TRPC4: variants seen among roughly 807,000 people sequenced by gnomAD.
TRPC4 encodes the protein transient receptor potential cation channel subfamily C member 4.
In TRPC4, 49 loss-of-function variants were observed where a neutral mutation model predicts 99.4. The ratio of observed to expected loss-of-function variants is 0.49; its 90% CI spans 0.39 to 0.63. The LOEUF (loss-of-function observed/expected upper bound fraction) is 0.63. Among genes scored for constraint, TRPC4 ranks in the 20% least tolerant of loss-of-function variants. TRPC4 has a pLI of 0.00. For missense variants in TRPC4, 898 were observed against 1,152.9 expected, an observed-to-expected ratio of 0.78 and a Z score of 3.20; for synonymous variants, 454 against 425.9, an observed-to-expected ratio of 1.07 and a Z score of -0.81.
At chr13:37,745,456 A>ATGCGTATATATATATATATGCG (rs1555265707) in intron 3 of TRPC4, among the ~76,000 whole-genome samples, 2 of 3,014 alleles carry the variant, frequency 6.6e-4, no homozygotes, top group African/African-American at 1.0e-3. Context: ...ATATATATAT[A>ATGCGTATATATATATATATGCG]TATATATATA....
chr13:37,852,434 A>G (rs1959082725), intron 1 of TRPC4, among the ~76,000 whole-genome samples: 1 of 152,164 alleles, frequency 6.6e-6, no homozygotes, highest in Non-Finnish European at 1.5e-5. Context: ...CCTGCTGTCT[A>G]AAGAGCTCTT....
At chr13:37,832,190 T>G (rs1958441045) in intron 1 of TRPC4, among the ~76,000 whole-genome samples, 1 of 152,134 alleles carries the variant, frequency 6.6e-6, no homozygotes, top group Admixed American at 6.5e-5. Context: ...GTAAAATAAT[T>G]TTTTAAATGA....
rs962089874 is a variant in TRPC4, at chr13:37,772,754, C to T, written c.378+10202G>A. Among the ~76,000 whole-genome samples the T allele has an allele frequency of 5.9e-5, 9 of 151,754 alleles. No homozygotes were observed. In the East Asian group the frequency reaches 1.2e-3, roughly 20 times the overall value. ...TTATCTGCCAAATAACTGCCTCCAACATGGATGGCGGGATCTATTTCTGCA... is the reference window on the plus strand; with the variant it reads ...TTATCTGCCAAATAACTGCCTCCAATATGGATGGCGGGATCTATTTCTGCA... On this transcript the variant is annotated intron_variant, in intron 2 of 10. Coordinates refer to ENST00000379705, the MANE Select transcript of TRPC4 (RefSeq NM_016179.4).
At chr13:37,751,020 A>T (rs1393080773) in intron 2 of TRPC4, among the ~76,000 whole-genome samples, 1 of 152,060 alleles carries the variant, frequency 6.6e-6, no homozygotes, top group Non-Finnish European at 1.5e-5. Context: ...GAAAATGGAG[A>T]TGTGGCATTC....
intron 4 of TRPC4, among the ~76,000 whole-genome samples, chr13:37,685,090 CAT>C (rs1953417308): frequency 1.3e-5 from 2 of 152,128 alleles, no homozygotes; most frequent in African/African-American, 2.4e-5. Context: ...TGTTGGTAAA[CAT>C]AATATTCAAT....
At chr13:37,786,289 GACACACACACACACACACACACACACAC>G (rs10549960) in intron 1 of TRPC4, among the ~76,000 whole-genome samples, 2 of 140,972 alleles carry the variant, frequency 1.4e-5, no homozygotes, top group African/African-American at 5.3e-5. Context: ...CAGGGAGAAA[GACACACACACACACACACACACACACAC>G]ACACACACAC....
intron 1 of TRPC4, among the ~76,000 whole-genome samples, chr13:37,867,499 G>T (rs964587331): frequency 4.6e-5 from 7 of 151,882 alleles, no homozygotes; most frequent in African/African-American, 1.7e-4. Context: ...TCTTAAAGGG[G>T]GTTATTATAT....
chr13:37,661,115 G>A (rs934984302), intron 6 of TRPC4, among the ~76,000 whole-genome samples: 1 of 152,170 alleles, frequency 6.6e-6, no homozygotes, highest in African/African-American at 2.4e-5. Flanking sequence ...TAGGCCTATA[G>A]TATTTAAGAT....
At chr13:37,833,145 A>G (rs529569630) in intron 1 of TRPC4, among the ~76,000 whole-genome samples, 1 of 152,238 alleles carries the variant, frequency 6.6e-6, no homozygotes, top group East Asian at 1.9e-4. Context: ...AATTCATAGT[A>G]AAATGCCATT....
intron 3 of TRPC4, among the ~76,000 whole-genome samples, chr13:37,713,765 G>C (rs1006987517): frequency 3.3e-4 from 51 of 152,242 alleles, no homozygotes; most frequent in African/African-American, 1.1e-3. Flanking sequence ...TTATTCTAGA[G>C]GGTCAAGTAG....
intron 3 of TRPC4, among the ~76,000 whole-genome samples, chr13:37,709,224 G>A (rs1317869593): frequency 6.6e-6 from 1 of 151,836 alleles, no homozygotes; most frequent in Non-Finnish European, 1.5e-5. Context: ...GTTGAGGAAT[G>A]GGAACTCATT....
rs1282191535 is a variant in TRPC4 at position 37,634,448 on chromosome 13, TCATCCTTTCTAGGG to T, written c.*2441_*2454del. Among the ~76,000 whole-genome samples, 2 of 152,084 alleles carry T rather than the reference TCATCCTTTCTAGGG, an allele frequency of 1.3e-5. No homozygotes were observed. The highest frequency in any genetic ancestry group is 4.8e-5 in the African/African-American group (2 of 41,438). On this transcript the variant is annotated 3_prime_UTR_variant, in exon 11 of 11. Transcript: ENST00000379705. ...CAGCAACATCTGGGGGTTGTTAGAA[TCATCCTTTCTAGGG>T]CACTGAAAAGGAGGGTCTTACTTGC...
intron 5 of TRPC4, 64 bp downstream of exon 5, chr13:37,674,164 C>T: frequency 2.2e-6 from 3 of 1,375,768 alleles, no homozygotes; most frequent in Non-Finnish European, 2.9e-6. Context: ...AAATTAATAT[C>T]AGTTGAAAGT....
chr13:37,651,175 C>T, intron 8 of TRPC4, 90 bp downstream of exon 8: 1 of 1,464,750 alleles, frequency 6.8e-7, no homozygotes. Flanking sequence ...AACAAAAAGG[C>T]TAAAGACCTG....
At chr13:37,710,360 G>A (rs745707723) in intron 3 of TRPC4, among the ~76,000 whole-genome samples, 4 of 151,852 alleles carry the variant, frequency 2.6e-5, no homozygotes, top group Admixed American at 6.6e-5. Flanking sequence ...AAAGTAAATA[G>A]AGGAATGCAC....
intron 3 of TRPC4, among the ~76,000 whole-genome samples, chr13:37,722,508 T>A (rs1954905996): frequency 6.6e-6 from 1 of 152,186 alleles, no homozygotes; most frequent in South Asian, 2.1e-4. Context: ...AGTTGTTGAA[T>A]GGTCAGTCTT....
intron 1 of TRPC4, among the ~76,000 whole-genome samples, chr13:37,788,639 C>T (rs1394418376): frequency 2.0e-5 from 3 of 152,068 alleles, no homozygotes; most frequent in Admixed American, 6.6e-5. Context: ...TCCTTTTCTT[C>T]AGTCTAAAGC....
chr13:37,635,561 G>A lies in TRPC4; in HGVS notation c.*1342C>T, dbSNP rs957378092. 2.6e-5 allele frequency among the ~76,000 whole-genome samples: 4 copies of A among 152,144 alleles called. No individual in the cohort carries two copies. Among genetic ancestry groups the A allele is most frequent in the South Asian group, 4.1e-4 (2 of 4,820 alleles). On this transcript the variant is annotated 3_prime_UTR_variant, in exon 11 of 11. Coordinates refer to ENST00000379705, the MANE Select transcript of TRPC4 (RefSeq NM_016179.4). ...AAATCACATGCAATTTCTGAGGTTC[G>A]CAGAGTAATTTTTGAAATAAAATGA... is the stretch of plus-strand genomic sequence containing the variant.
At chr13:37,789,401 T>C (rs1957054770) in intron 1 of TRPC4, among the ~76,000 whole-genome samples, 1 of 152,160 alleles carries the variant, frequency 6.6e-6, no homozygotes, top group Admixed American at 6.6e-5. Context: ...TGCACAGTTA[T>C]GTAGCCTTTT....
Sources: allele counts gnomAD v4.1 joint callset (sites outside exome capture counted in the v4.1 genomes callset), GRCh38; gene constraint gnomAD v4.1.1; transcripts MANE v1.5; gene names NCBI Gene and HGNC (gene_info 2026-07-23, HGNC 2026-07-21).